The following TUBA1A variants were observed in gnomAD, a reference collection of about 807,000 sequenced individuals.
TUBA1A encodes tubulin alpha 1a, also known as tubulin alpha-1A chain.
Under a neutral mutation model 34.6 loss-of-function variants are expected in TUBA1A, and 7 were observed. That is an observed-to-expected ratio of 0.20 (90% CI 0.11 to 0.38). The LOEUF is 0.38. Among genes scored for constraint, TUBA1A ranks in the 10% least tolerant of loss-of-function variants. The probability of loss-of-function intolerance (pLI) is 1.00; values close to 1 mark genes in which losing one functional copy is unlikely to be tolerated. For missense variants in TUBA1A, 19 were observed against 581.3 expected (o/e 0.03, Z 9.95); for synonymous variants, 193 against 210.2 (o/e 0.92, Z 0.71).
chr12:49,188,471 G>T lies in TUBA1A; in HGVS notation c.3+506C>A. ...TTCCAAAACGCCAAAGACCGCGGAGGGTCTTCCCACGCTAACCCTAGGCTG... is the reference window on the plus strand; with the variant it reads ...TTCCAAAACGCCAAAGACCGCGGAGTGTCTTCCCACGCTAACCCTAGGCTG... On this transcript the variant is annotated intron_variant, in intron 1 of 3. Coordinates refer to ENST00000301071, the MANE Select transcript of TUBA1A (RefSeq NM_006009.4). This position sits in a 1 kb window ranked among gnomAD's most constrained non-coding sequence, Gnocchi z 4.9. The T allele has an allele frequency of 6.5e-7, 1 of 1,535,298 alleles. No individual in the cohort carries two copies. Among genetic ancestry groups the T allele is most frequent in the Non-Finnish European group, 8.7e-7 (1 of 1,146,386 alleles).
At position 49,188,262 on chromosome 12, in the gene TUBA1A, GT is replaced by G. The variant is rs1206537048; in HGVS notation, c.3+714del. ...GCCTACAGTTCCGCAATGATGAAAG[GT>G]TTTTTTGTTTTTTTTTCAGTCAGCT... On this transcript the variant is annotated intron_variant, in intron 1 of 3. Transcript: ENST00000301071. The surrounding 1 kb of genome is among the most constrained non-coding windows in gnomAD (Gnocchi z 4.9). 1.0e-6 allele frequency: 1 copy of G among 982,568 alleles called. No individual in the cohort carries two copies. Among genetic ancestry groups the G allele is most frequent in the Non-Finnish European group, 1.2e-6 (1 of 827,628 alleles). The allele number at this position is 982,568 out of a possible 1,614,324, so 60.9% of individuals were successfully genotyped here. A position where few individuals can be genotyped will look rare whatever the true frequency, so the allele number is the denominator to read the frequency against.
Position 49,186,575 on chromosome 12 carries a change from C to G in TUBA1A, c.226+36G>C. The G allele has an allele frequency of 6.2e-7, 1 of 1,612,612 alleles. No homozygotes were observed. Among genetic ancestry groups the G allele is most frequent in the South Asian group, 1.1e-5 (1 of 91,024 alleles). On this transcript the variant is annotated intron_variant, in intron 2 of 3. Coordinates refer to ENST00000301071, the MANE Select transcript of TUBA1A (RefSeq NM_006009.4). The surrounding 1 kb of genome is among the most constrained non-coding windows in gnomAD (Gnocchi z 6.6). The stretch of plus-strand genomic sequence containing the variant: ...CAGGACAGACCTCCTGTCCCAGCAC[C>G]CTGGGATCTCACTTGGGTTACTGAG...
Position 49,184,912 on chromosome 12 carries a change from A to C in TUBA1A, c.*98T>G. ...TCAGTAATTGTATATGAGAGCATAC[A>C]CTGCTACATACAAATTAACTGATCA... On this transcript the variant is annotated 3_prime_UTR_variant, in exon 4 of 4. Coordinates refer to ENST00000301071, the MANE Select transcript of TUBA1A (RefSeq NM_006009.4). The C allele has an allele frequency of 6.3e-7, 1 of 1,586,334 alleles. No individual in the cohort carries two copies. Among genetic ancestry groups the C allele is most frequent in the South Asian group, 1.1e-5 (1 of 90,268 alleles).
intron 1 of TUBA1A, chr12:49,187,713 T>G (rs1006574690): frequency 2.1e-6 from 2 of 950,990 alleles, no homozygotes; most frequent in Non-Finnish European, 2.4e-6. Context: ...AAGCATCACA[T>G]GAAAAGGTAC....
chr12:49,188,752 C>T lies in TUBA1A; in HGVS notation c.3+225G>A. The T allele has an allele frequency of 2.7e-6, 4 of 1,490,902 alleles. No individual in the cohort carries two copies. The highest frequency in any genetic ancestry group is 3.5e-6 in the Non-Finnish European group (4 of 1,131,862). 92.4% of individuals were successfully genotyped at this position (1,490,902 alleles called of 1,614,324 possible). ...GCGCCTAGGCGCCGCCTTTGTTCCTCCCCAGCGCTCTGCTGCGCCCTGGGC... is the reference window on the plus strand; with the variant it reads ...GCGCCTAGGCGCCGCCTTTGTTCCTTCCCAGCGCTCTGCTGCGCCCTGGGC... On this transcript the variant is annotated intron_variant, in intron 1 of 3. Transcript: ENST00000301071. This position sits in a 1 kb window ranked among gnomAD's most constrained non-coding sequence, Gnocchi z 4.9.
rs11558070 is a variant in TUBA1A, at chr12:49,185,103, G to A, written c.1263C>T (p.Ala421=). 1 of 1,614,082 alleles carries A rather than the reference G, an allele frequency of 6.2e-7. No individual in the cohort carries two copies. Among genetic ancestry groups the A allele is most frequent in the Non-Finnish European group, 8.5e-7 (1 of 1,180,026 alleles). ...EGMEEGEFSE[A]REDMAALEKD... is the part of the protein sequence containing the mutation. ...TCTCAAGGGCAGCCATGTCCTCACG[G>A]GCCTCTGAAAACTCACCTTCCTCCA... is the stretch of plus-strand genomic sequence containing the variant. The change falls in exon 4 of 4, where the codon GCC becomes GCT. Residue 421 remains alanine (A), a synonymous_variant. Coordinates refer to ENST00000301071, the MANE Select transcript of TUBA1A (RefSeq NM_006009.4).
Position 49,185,867 on chromosome 12 carries a change from G to A in TUBA1A, c.499C>T (p.Leu167=). ...LSVDYGKKSK[L]EFSIYPAPQV... ...GGCGCCGGGTAAATAGAGAACTCCA[G>A]CTTGGACTTCTTGCCATAATCAACT... Residue 167 remains leucine, a synonymous_variant, in exon 4 of 4, where the codon CTG becomes TTG. Transcript: ENST00000301071. The A allele has an allele frequency of 6.2e-7, 1 of 1,614,028 alleles. No homozygotes were observed. The highest frequency in any genetic ancestry group is 8.5e-7 in the Non-Finnish European group (1 of 1,180,014).
Position 49,188,422 on chromosome 12 carries a change from T to A in TUBA1A, c.3+555A>T, listed in dbSNP as rs771601875. Reference sequence around the variant, plus strand: ...GGGCTCCGGCAGAAACTCACCATGTTTTCCCGGGAATGTGTGGGTATCTTT... The same window carrying A: ...GGGCTCCGGCAGAAACTCACCATGTATTCCCGGGAATGTGTGGGTATCTTT... On this transcript the variant is annotated intron_variant, in intron 1 of 3. Transcript: ENST00000301071. This position sits in a 1 kb window ranked among gnomAD's most constrained non-coding sequence, Gnocchi z 4.9. The A allele has an allele frequency of 1.3e-6, 2 of 1,535,682 alleles. No individual in the cohort carries two copies. The highest frequency in any genetic ancestry group is 1.7e-6 in the Non-Finnish European group (2 of 1,146,696).
At position 49,188,232 on chromosome 12, in the gene TUBA1A, T is replaced by C. The variant is rs546216160; in HGVS notation, c.3+745A>G. Reference sequence around the variant, plus strand: ...ACTTATAATAGTGAAGAAAACCCTTTTGGAGCCTACAGTTCCGCAATGATG... The same window carrying C: ...ACTTATAATAGTGAAGAAAACCCTTCTGGAGCCTACAGTTCCGCAATGATG... On this transcript the variant is annotated intron_variant, in intron 1 of 3. Transcript: ENST00000301071. The surrounding 1 kb of genome is among the most constrained non-coding windows in gnomAD (Gnocchi z 4.9). The C allele has an allele frequency of 3.2e-5, 32 of 985,332 alleles. No individual in the cohort carries two copies. In the African/African-American group the frequency reaches 5.6e-4, roughly 17 times the overall value. 61.0% of individuals were successfully genotyped at this position (985,332 alleles called of 1,614,324 possible). A position where few individuals can be genotyped will look rare whatever the true frequency, so the allele number is the denominator to read the frequency against.
Position 49,186,179 on chromosome 12 carries a change from A to C in TUBA1A, c.375+131T>G. On this transcript the variant is annotated intron_variant, in intron 3 of 3. Transcript: ENST00000301071. This position sits in a 1 kb window ranked among gnomAD's most constrained non-coding sequence, Gnocchi z 6.6. ...TAGTTCATTTTAACTGAATTTTAAA[A>C]ACCCCAAAAGAATGACTCATTCCAC... 6.3e-7 allele frequency: 1 copy of C among 1,577,024 alleles called. No individual in the cohort carries two copies. Among genetic ancestry groups the C allele is most frequent in the African/African-American group, 1.4e-5 (1 of 73,278 alleles).
rs1257567534 is a variant in TUBA1A, at chr12:49,188,548, G to T, written c.3+429C>A. The T allele has an allele frequency of 6.0e-6, 9 of 1,494,562 alleles. No homozygotes were observed. The allele number at this position is 1,494,562 out of a possible 1,614,324, so 92.6% of individuals were successfully genotyped here. On this transcript the variant is annotated intron_variant, in intron 1 of 3. Coordinates refer to ENST00000301071, the MANE Select transcript of TUBA1A (RefSeq NM_006009.4). The surrounding 1 kb of genome is among the most constrained non-coding windows in gnomAD (Gnocchi z 4.9). ...GTCCCCCAGCTCGCCCAACGCCCCC[G>T]CTCTTTTTGGGTGCCTCCTCCTCTC...
chr12:49,187,840 A>G (rs1942199502), intron 1 of TUBA1A: 2 of 970,758 alleles, frequency 2.1e-6, no homozygotes, highest in Non-Finnish European at 2.4e-6. Context: ...TGCATCCAAT[A>G]GAGGTTTTCT....
rs1942221777 is a variant in TUBA1A at position 49,189,073 on chromosome 12, G to C, written c.-94C>G. The C allele has an allele frequency of 1.3e-6, 2 of 1,539,558 alleles. No individual in the cohort carries two copies. The highest frequency in any genetic ancestry group is 1.4e-5 in the African/African-American group (1 of 73,500). On this transcript the variant is annotated 5_prime_UTR_variant, in exon 1 of 4. Transcript: ENST00000301071. ...CGACTCTTAGGCGGTCGATGTAAGAGAACCTGCGGCACATAGGCGGATGCG... is the reference window on the plus strand; with the variant it reads ...CGACTCTTAGGCGGTCGATGTAAGACAACCTGCGGCACATAGGCGGATGCG...
chr12:49,188,818 G>T lies in TUBA1A; in HGVS notation c.3+159C>A. The T allele has an allele frequency of 6.3e-7, 1 of 1,599,064 alleles. No homozygotes were observed. On this transcript the variant is annotated intron_variant, in intron 1 of 3. Transcript: ENST00000301071. The surrounding 1 kb of genome is among the most constrained non-coding windows in gnomAD (Gnocchi z 4.9). ...TTCCTGCACCCGCACTGCGGCGGCG[G>T]CGGGGCTTGAGGATTTGGGGCTAAG...
Position 49,186,550 on chromosome 12 carries a change from C to A in TUBA1A, c.226+61G>T. The A allele has an allele frequency of 6.2e-7, 1 of 1,612,508 alleles. No individual in the cohort carries two copies. Among genetic ancestry groups the A allele is most frequent in the South Asian group, 1.1e-5 (1 of 91,022 alleles). ...TGGGTGAGTGACCAGCGGAGCCCCC[C>A]AGGACAGACCTCCTGTCCCAGCACC... On this transcript the variant is annotated intron_variant, in intron 2 of 3. Transcript: ENST00000301071. This position sits in a 1 kb window ranked among gnomAD's most constrained non-coding sequence, Gnocchi z 6.6.
At position 49,188,687 on chromosome 12, in the gene TUBA1A, G is replaced by T; in HGVS notation, c.3+290C>A. 1.4e-6 allele frequency: 2 copies of T among 1,437,500 alleles called. No homozygotes were observed. The highest frequency in any genetic ancestry group is 2.5e-5 in the East Asian group (1 of 40,104). 89.0% of individuals were successfully genotyped at this position (1,437,500 alleles called of 1,614,324 possible). ...CCCAGACCCCTCGGTCGCGGCAGAC[G>T]GGCTGCCCGCGGCCCCCGAAAGTCT... On this transcript the variant is annotated intron_variant, in intron 1 of 3. Transcript: ENST00000301071. The surrounding 1 kb of genome is among the most constrained non-coding windows in gnomAD (Gnocchi z 4.9).
chr12:49,188,609 C>A lies in TUBA1A; in HGVS notation c.3+368G>T, dbSNP rs1942213338. The A allele has an allele frequency of 6.9e-7, 1 of 1,445,030 alleles. No individual in the cohort carries two copies. The highest frequency in any genetic ancestry group is 9.1e-7 in the Non-Finnish European group (1 of 1,102,662). The allele number at this position is 1,445,030 out of a possible 1,614,324, so 89.5% of individuals were successfully genotyped here. ...GAGAACAACGCGAGACAGAAAGTGG[C>A]CCCTCAGCATCAGCGAAACCGTGCG... is the stretch of plus-strand genomic sequence containing the variant. On this transcript the variant is annotated intron_variant, in intron 1 of 3. Coordinates refer to ENST00000301071, the MANE Select transcript of TUBA1A (RefSeq NM_006009.4). The surrounding 1 kb of genome is among the most constrained non-coding windows in gnomAD (Gnocchi z 4.9).
chr12:49,188,861 T>C lies in TUBA1A; in HGVS notation c.3+116A>G. On this transcript the variant is annotated intron_variant, in intron 1 of 3. Transcript: ENST00000301071. The surrounding 1 kb of genome is among the most constrained non-coding windows in gnomAD (Gnocchi z 4.9). The stretch of plus-strand genomic sequence containing the variant: ...GGGCTAAGCTAAACCTCACAAAACA[T>C]ACCACCACCCTCGCCCAGAGAGCTT... The C allele has an allele frequency of 2.5e-6, 4 of 1,610,804 alleles. No homozygotes were observed. The highest frequency in any genetic ancestry group is 2.2e-5 in the East Asian group (1 of 44,864).
At chr12:49,187,988 T>C in intron 1 of TUBA1A, 3 of 983,730 alleles carry the variant, frequency 3.0e-6, no homozygotes, top group Non-Finnish European at 3.6e-6. Context: ...GTGGGCTTTC[T>C]CCCTCGCTGA....
Sources: gnomAD v4.1 joint callset for allele counts on GRCh38, gnomAD v4.1.1 for gene constraint, Gnocchi (gnomAD v3.1) non-coding constraint, MANE v1.5 for transcripts, NCBI Gene and HGNC (gene_info 2026-07-23, HGNC 2026-07-21) for gene names.